Variants in PDIA6 observed in about 807,000 individuals in gnomAD.
PDIA6 encodes the protein protein disulfide isomerase family A member 6, also known as protein disulfide-isomerase A6.
PDIA6 carries 29 observed loss-of-function variants against 58.4 expected under a neutral mutation model. That is an observed-to-expected ratio of 0.50 (90% CI 0.37 to 0.68). The LOEUF (loss-of-function observed/expected upper bound fraction) is 0.68. PDIA6 is among the 30% of genes least tolerant of loss of function. The pLI is 0.00. For missense variants in PDIA6, 480 were observed against 551.0 expected (o/e 0.87, Z 1.29); for synonymous variants, 192 against 202.6 (o/e 0.95, Z 0.44).
At chr2:10,791,725 T>C in intron 6 of PDIA6, 70 bp downstream of exon 6, 1 of 1,424,372 alleles carries the variant, frequency 7.0e-7, no homozygotes, top group Non-Finnish European at 9.6e-7. Flanking sequence ...ACTTCAGCTC[T>C]TTCAAAATAA....
intron 2 of PDIA6, among the ~76,000 whole-genome samples, chr2:10,817,855 C>T (rs75915383): frequency 0.026 from 3,898 of 152,298 alleles, 95 homozygotes; most frequent in African/African-American, 0.053. Flanking sequence ...TAGTTTTAGC[C>T]ATTGTATTTT....
chr2:10,836,664 A>G (rs4669633), upstream of PDIA6, among the ~76,000 whole-genome samples: 64,486 of 151,712 alleles, frequency 0.43, 14,407 homozygotes, highest in South Asian at 0.57. Flanking sequence ...CAATTCCAGA[A>G]CACTTCATCA....
chr2:10,812,928 C>A, upstream of PDIA6: 1 of 928,720 alleles, frequency 1.1e-6, no homozygotes, highest in Non-Finnish European at 1.3e-6. Flanking sequence ...GTAGAGGTTA[C>A]CGGTTTGGTT....
Position 10,812,720 on chromosome 2 carries a change from T to C in PDIA6, c.-24A>G, listed in dbSNP as rs763050329. Reference sequence around the variant, plus strand: ...ATGCCGAGCGCCGGGCTACGTGCAGTCCCCACCGCCGCCGCCGCTTCAGCC... The same window carrying C: ...ATGCCGAGCGCCGGGCTACGTGCAGCCCCCACCGCCGCCGCCGCTTCAGCC... On this transcript the variant is annotated 5_prime_UTR_variant, in exon 1 of 13. Transcript: ENST00000272227. The C allele has an allele frequency of 5.4e-5, 81 of 1,503,576 alleles. No individual in the cohort carries two copies. The highest frequency in any genetic ancestry group is 6.6e-5 in the Non-Finnish European group (74 of 1,128,976). 93.1% of individuals were successfully genotyped at this position (1,503,576 alleles called of 1,614,324 possible).
intron 1 of PDIA6, among the ~76,000 whole-genome samples, chr2:10,809,660 A>AAAC (rs1558454558): frequency 4.0e-5 from 6 of 150,294 alleles, no homozygotes; most frequent in South Asian, 4.2e-4. Context: ...AAAAAAAAAA[A>AAAC]AAAAAAAAAA....
Position 10,818,482 on chromosome 2 carries a change from A to ATTTTTT in PDIA6, c.34+791_34+792insAAAAAA, listed in dbSNP as rs1558460278. ...GTGCCCAGCTCACTTTAACCATTTA[A>ATTTTTT]TTTATTTATTTATTTATTTATTTAT... On this transcript the variant is annotated intron_variant, in intron 2 of 13. Transcript: ENST00000381611. Among the ~76,000 whole-genome samples, 10 of 52,632 alleles carry ATTTTTT rather than the reference A, an allele frequency of 1.9e-4. 1 individual carries two copies. The South Asian group carries it at 3.4e-3, about 18-fold the overall frequency. The allele number at this position is 52,632 out of a possible 152,430, so 34.5% of individuals were successfully genotyped here. A position where few individuals can be genotyped will look rare whatever the true frequency, so the allele number is the denominator to read the frequency against.
intron 1 of PDIA6, among the ~76,000 whole-genome samples, chr2:10,811,229 T>G (rs1666986934): frequency 6.6e-6 from 1 of 152,204 alleles, no homozygotes; most frequent in Non-Finnish European, 1.5e-5. Context: ...AATATTTACA[T>G]CTCTTTAAAA....
intron 8 of PDIA6, among the ~76,000 whole-genome samples, chr2:10,789,378 A>AC (rs1665929712): frequency 6.6e-6 from 1 of 152,012 alleles, no homozygotes; most frequent in African/African-American, 2.4e-5. Context: ...AACAGTATCT[A>AC]CCTCTCAGTG....
chr2:10,826,549 G>A (rs1300849412), intron 1 of PDIA6, among the ~76,000 whole-genome samples: 1 of 152,078 alleles, frequency 6.6e-6, no homozygotes, highest in Non-Finnish European at 1.5e-5. Flanking sequence ...TAGTAGAGAG[G>A]AGGTTTTGCC....
rs780719101 is a variant in PDIA6, at chr2:10,791,797, T to C, written c.582A>G (p.Lys194=). 6.2e-7 allele frequency: 1 copy of C among 1,612,524 alleles called. No individual in the cohort carries two copies. Among genetic ancestry groups the C allele is most frequent in the East Asian group, 2.2e-5 (1 of 44,870 alleles). The change falls in exon 6 of 13, where the codon AAA becomes AAG. Residue 194 remains lysine, a splice_region_variant and synonymous_variant. Transcript: ENST00000272227. Reference sequence around the variant, plus strand: ...ACTACTTAGTAGAAGGCACTTACTTTTTGCAGTGTCCACACCAAGGAGCAT... The same window carrying C: ...ACTACTTAGTAGAAGGCACTTACTTCTTGCAGTGTCCACACCAAGGAGCAT... ...EFYAPWCGHC[K]NLEPEWAAAA...
At chr2:10,789,717 T>C (rs754533344) in intron 8 of PDIA6, 32 bp downstream of exon 8, 15 of 1,606,404 alleles carry the variant, frequency 9.3e-6, no homozygotes, top group Admixed American at 5.1e-5. Flanking sequence ...CTAAAAAAGC[T>C]TTCTGGACTA....
chr2:10,823,699 G>A (rs1572704634), intron 1 of PDIA6, among the ~76,000 whole-genome samples: 1 of 152,188 alleles, frequency 6.6e-6, no homozygotes, highest in East Asian at 1.9e-4. Flanking sequence ...AGTCAACAAT[G>A]TTAGTGCTGT....
chr2:10,832,202 C>G (rs1572713226), exon 1 of PDIA6: 2 of 154,854 alleles, frequency 1.3e-5, no homozygotes, highest in African/African-American at 4.8e-5. Context: ...ACATACTCAC[C>G]CCACGGGCGT....
In PDIA6 at chr2:10,798,578, A is replaced by C. The variant is rs1022158372; in HGVS notation, c.162-821T>G. The stretch of plus-strand genomic sequence containing the variant: ...GCAAGACTCTGTCCCCCACCCAAAA[A>C]AAAAAAAAAAAGCTTCCGAATTACT... On this transcript the variant is annotated intron_variant, in intron 2 of 12. Transcript: ENST00000272227. Among the ~76,000 whole-genome samples the C allele has an allele frequency of 1.3e-4, 17 of 127,720 alleles. No individual in the cohort carries two copies. The South Asian group carries it at 2.8e-3, about 21-fold the overall frequency. The allele number at this position is 127,720 out of a possible 152,430, so 83.8% of individuals were successfully genotyped here.
rs1665895358 is a variant in PDIA6 at position 10,788,695 on chromosome 2, AC to A, written c.998+1del. 6.2e-7 allele frequency: 1 copy of A among 1,602,172 alleles called. No individual in the cohort carries two copies. The highest frequency in any genetic ancestry group is 8.6e-7 in the Non-Finnish European group (1 of 1,169,138). ...ACTCAGACAGTAAGCTCAGTAACTT[AC>A]CCCCACATTTTCTTTTTGTATTTGT... On this transcript the variant is annotated splice_donor_variant, in intron 10 of 12. Coordinates refer to ENST00000272227, the MANE Select transcript of PDIA6 (RefSeq NM_005742.4). LOFTEE classifies it high-confidence loss of function.
chr2:10,810,193 G>T, intron 1 of PDIA6: 1 of 905,854 alleles, frequency 1.1e-6, no homozygotes, highest in Non-Finnish European at 1.7e-6. Context: ...GTGTCATGGT[G>T]CCCATTATTT....
chr2:10,832,448 G>A, exon 1 of PDIA6: 1 of 985,454 alleles, frequency 1.0e-6, no homozygotes, highest in Non-Finnish European at 1.2e-6. Context: ...TGAAGCACGA[G>A]GCCAGGAGAC....
intron 1 of PDIA6, among the ~76,000 whole-genome samples, chr2:10,803,101 G>A (rs1160182535): frequency 6.6e-6 from 1 of 152,104 alleles, no homozygotes; most frequent in Non-Finnish European, 1.5e-5. Flanking sequence ...ATTTTTGAAG[G>A]GAAAATAATT....
At chr2:10,806,066 C>T (rs1406796134) in intron 1 of PDIA6, among the ~76,000 whole-genome samples, 9 of 140,746 alleles carry the variant, frequency 6.4e-5, no homozygotes, top group African/African-American at 1.3e-4. Flanking sequence ...TTACAGAATA[C>T]GGATATAAAA....
Sources: gnomAD v4.1 joint callset for allele counts (sites outside exome capture counted in the v4.1 genomes callset) on GRCh38, gnomAD v4.1.1 for gene constraint, MANE v1.5 for transcripts, NCBI Gene and HGNC (gene_info 2026-07-23, HGNC 2026-07-21) for gene names.